Variants in MARS1 observed in about 807,000 individuals in gnomAD.
MARS1 encodes the protein methionyl-tRNA synthetase 1.
MARS1 carries 80 observed loss-of-function variants against 119.5 expected under a neutral mutation model. The observed-to-expected ratio is 0.67, with a 90% CI of 0.56 to 0.81. The LOEUF (loss-of-function observed/expected upper bound fraction) is 0.81, where lower values mean the gene tolerates loss of function less well. Among genes scored for constraint, MARS1 ranks in the 30% least tolerant of loss-of-function variants. MARS1 has a pLI of 0.00. For synonymous variants in MARS1, 418 were observed against 433.4 expected, an observed-to-expected ratio of 0.96 and a Z score of 0.44; for missense variants, 945 against 1,116.5, an observed-to-expected ratio of 0.85 and a Z score of 2.19.
chr12:57,516,234 T>TAAC lies in MARS1; in HGVS notation c.2464-11_2464-10insAAC. 1 of 1,613,148 alleles carries TAAC rather than the reference T, an allele frequency of 6.2e-7. No homozygotes were observed. Among genetic ancestry groups the TAAC allele is most frequent in the Non-Finnish European group, 8.5e-7 (1 of 1,179,076 alleles). On this transcript the variant is annotated splice_polypyrimidine_tract_variant and intron_variant, in intron 19 of 20. Coordinates refer to ENST00000262027, the MANE Select transcript of MARS1 (RefSeq NM_004990.4). ...TTTATGGTTGCTGGTGATAACTTTGTTGTTCTCCAGGCAAAAACGTCCCCG... is the reference window on the plus strand; with the variant it reads ...TTTATGGTTGCTGGTGATAACTTTGTAACTGTTCTCCAGGCAAAAACGTCCCCG...
intron 10 of MARS1, among the ~76,000 whole-genome samples, chr12:57,501,864 G>A (rs1411186292): frequency 3.3e-5 from 5 of 151,162 alleles, no homozygotes; most frequent in African/African-American, 4.9e-5. Flanking sequence ...CCGTGGTGGC[G>A]CACACCTGTA....
chr12:57,494,254 C>G (rs1565641801), intron 7 of MARS1, among the ~76,000 whole-genome samples: 1 of 151,000 alleles, frequency 6.6e-6, no homozygotes, highest in Non-Finnish European at 1.5e-5. Flanking sequence ...CTACGCCCAG[C>G]CTTGTTTTGA....
In MARS1 at chr12:57,499,773, C is replaced by T. The variant is rs1565644704; in HGVS notation, c.1092-548C>T. ...AATTAGCTGGACCTGGTGGTGGGCACCTATAATCCCAGCTACTTGGGAGGC... is the reference window on the plus strand; with the variant it reads ...AATTAGCTGGACCTGGTGGTGGGCATCTATAATCCCAGCTACTTGGGAGGC... On this transcript the variant is annotated intron_variant, in intron 9 of 20. Coordinates refer to ENST00000262027, the MANE Select transcript of MARS1 (RefSeq NM_004990.4). Among the ~76,000 whole-genome samples the T allele has an allele frequency of 2.0e-5, 3 of 151,990 alleles. No homozygotes were observed. The South Asian group carries it at 6.2e-4, about 32-fold the overall frequency.
intron 11 of MARS1, 28 bp from the exon 12 acceptor site, chr12:57,511,668 TAA>T: frequency 6.2e-7 from 1 of 1,613,134 alleles, no homozygotes; most frequent in South Asian, 1.1e-5. Flanking sequence ...GAGACTTTCC[TAA>T]ATCAGCCCTC....
At position 57,516,482 on chromosome 12, in the gene MARS1, G is replaced by C. The variant is rs1877840838; in HGVS notation, c.2604G>C (p.Glu868Asp). The part of the protein sequence containing the change: ...ELKAQKADKN[E>D]VAAEVAKLLD... ...AAGCACAAAAGGCAGACAAGAACGA[G>C]GTTGCTGCGGAGGTGGCGAAACTCT... The change falls in exon 21 of 21, where the codon GAG becomes GAC. Residue 868 changes from glutamate (E) to aspartate (D), a missense_variant. Transcript: ENST00000262027. 1.2e-6 allele frequency: 2 copies of C among 1,613,914 alleles called. No individual in the cohort carries two copies. Among genetic ancestry groups the C allele is most frequent in the African/African-American group, 2.7e-5 (2 of 75,022 alleles).
At position 57,498,362 on chromosome 12, in the gene MARS1, C is replaced by A. The variant is rs896134884; in HGVS notation, c.888-58C>A. On this transcript the variant is annotated intron_variant, in intron 8 of 20. Coordinates refer to ENST00000262027, the MANE Select transcript of MARS1 (RefSeq NM_004990.4). The stretch of plus-strand genomic sequence containing the variant: ...CTTCAAGGGTGGGGCTGGGGAGATC[C>A]CAAGGACAAGGAAGCGCTGAAGCGG... The A allele has an allele frequency of 1.4e-5, 22 of 1,598,092 alleles. No individual in the cohort carries two copies. The African/African-American group carries it at 2.8e-4, about 20-fold the overall frequency.
At chr12:57,507,419 T>A (rs1308847832) in intron 11 of MARS1, among the ~76,000 whole-genome samples, 3 of 74,690 alleles carry the variant, frequency 4.0e-5, no homozygotes, top group East Asian at 3.8e-4. Flanking sequence ...CACTTCCCAG[T>A]AGGGGTGGCC....
chr12:57,496,707 G>A (rs568510233), intron 7 of MARS1, among the ~76,000 whole-genome samples: 1 of 151,574 alleles, frequency 6.6e-6, no homozygotes, highest in Admixed American at 6.6e-5. Context: ...GAGCCCAGGA[G>A]TTCAAGATTA....
At chr12:57,501,820 T>TA (rs76780434) in intron 10 of MARS1, among the ~76,000 whole-genome samples, 678 of 121,078 alleles carry the variant, frequency 5.6e-3, no homozygotes, top group Middle Eastern at 0.01. Context: ...AGACTCTGTC[T>TA]AAAAAAAAAA....
chr12:57,494,403 C>T (rs1876472654), intron 7 of MARS1, among the ~76,000 whole-genome samples: 1 of 146,664 alleles, frequency 6.8e-6, no homozygotes, highest in African/African-American at 2.5e-5. Flanking sequence ...TCTTGGCTCA[C>T]TGCAACCTCT....
In MARS1 at chr12:57,516,284, AC is replaced by A. The variant is rs778621936; in HGVS notation, c.2504del (p.Thr835LysfsTer11). On this transcript the variant is annotated frameshift_variant, in exon 20 of 21. Coordinates refer to ENST00000262027, the MANE Select transcript of MARS1 (RefSeq NM_004990.4). LOFTEE classifies it high-confidence loss of function. ...GAAGCCAGCAGTTGTAGAGACTGTT[AC>A]AACAGCCAAGCCACAGCAGATACAA... ...SPKPAVVETV[T>X]TAKPQQIQAL... 2 of 1,614,254 alleles carry A rather than the reference AC, an allele frequency of 1.2e-6. No homozygotes were observed. Among genetic ancestry groups the A allele is most frequent in the Admixed American group, 1.7e-5 (1 of 60,018 alleles).
intron 7 of MARS1, among the ~76,000 whole-genome samples, chr12:57,495,749 A>G (rs1176081212): frequency 2.6e-5 from 4 of 152,042 alleles, no homozygotes; most frequent in Non-Finnish European, 4.4e-5. Flanking sequence ...CTGCAATCCC[A>G]GCACCTCAGG....
At position 57,492,712 on chromosome 12, in the gene MARS1, C is replaced by CAT. The variant is rs1253478947; in HGVS notation, c.770+2069_770+2070insTA. ...ACACACACACACACACACACACACA[C>CAT]ACAGACGTAAACAAATTTGAGACTT... On this transcript the variant is annotated intron_variant, in intron 7 of 20. Coordinates refer to ENST00000262027, the MANE Select transcript of MARS1 (RefSeq NM_004990.4). Among the ~76,000 whole-genome samples the CAT allele has an allele frequency of 4.2e-5, 6 of 142,114 alleles. No homozygotes were observed. In the East Asian group the frequency reaches 1.2e-3, roughly 29 times the overall value. The allele number at this position is 142,114 out of a possible 152,430, so 93.2% of individuals were successfully genotyped here. A position where few individuals can be genotyped will look rare whatever the true frequency, so the allele number is the denominator to read the frequency against.
chr12:57,512,752 GT>G lies in MARS1; in HGVS notation c.1756del (p.Tyr586ThrfsTer2). On this transcript the variant is annotated frameshift_variant and splice_region_variant, in exon 15 of 21. Transcript: ENST00000262027. LOFTEE classifies it high-confidence loss of function. ...TLVSHLIATE[Y>X]LNYEDGKFSK... ...TCTCACTCATTCTCCTCTGTCCAGAGTACCTGAACTATGAGGATGGGAAATT... is the reference window on the plus strand; with the variant it reads ...TCTCACTCATTCTCCTCTGTCCAGAGACCTGAACTATGAGGATGGGAAATT... 6 of 1,613,346 alleles carry G rather than the reference GT, an allele frequency of 3.7e-6. No individual in the cohort carries two copies. The highest frequency in any genetic ancestry group is 5.1e-6 in the Non-Finnish European group (6 of 1,179,298).
chr12:57,514,928 C>T, intron 16 of MARS1, 26 bp from the exon 17 acceptor site: 2 of 1,613,878 alleles, frequency 1.2e-6, no homozygotes, highest in Non-Finnish European at 1.7e-6. Flanking sequence ...GGACATTACA[C>T]CTTGGCCTGC....
chr12:57,496,007 G>C (rs1876609048), intron 7 of MARS1, among the ~76,000 whole-genome samples: 1 of 152,096 alleles, frequency 6.6e-6, no homozygotes. Context: ...GGAGACCGTG[G>C]AAAGTCGGAG....
chr12:57,510,710 C>T (rs1013297154), intron 11 of MARS1, among the ~76,000 whole-genome samples: 4 of 151,192 alleles, frequency 2.6e-5, no homozygotes, highest in African/African-American at 9.7e-5. Context: ...GCAGGAGGAT[C>T]GCTGGAAGCC....
Position 57,489,626 on chromosome 12 carries a change from T to G in MARS1, c.414+68T>G. 4 of 1,596,016 alleles carry G rather than the reference T, an allele frequency of 2.5e-6. No individual in the cohort carries two copies. In the South Asian group the frequency reaches 3.3e-5, roughly 13 times the overall value. On this transcript the variant is annotated intron_variant, in intron 4 of 20. Transcript: ENST00000262027. ...GTAAGGATTAAGAGGGAAGACTGTA[T>G]TCAGAGTGTTCGAACCCAACACTGC...
Position 57,512,299 on chromosome 12 carries a change from T to G in MARS1, c.1699T>G (p.Ser567Ala). 1.2e-6 allele frequency: 2 copies of G among 1,614,162 alleles called. No homozygotes were observed. Among genetic ancestry groups the G allele is most frequent in the Non-Finnish European group, 1.7e-6 (2 of 1,180,036 alleles). Residue 567 changes from serine (S) to alanine (A), a missense_variant, in exon 14 of 21, where the codon TCA becomes GCA. Transcript: ENST00000262027. ...TTTCCATAGCTTAGTCTTTCCTTGC[T>G]CAGCCCTAGGAGCTGAGGATAACTA... ...VPFHSLVFPC[S>A]ALGAEDNYTL...
Sources: allele counts gnomAD v4.1 joint callset (sites outside exome capture counted in the v4.1 genomes callset), GRCh38; gene constraint gnomAD v4.1.1; transcripts MANE v1.5; gene names NCBI Gene and HGNC (gene_info 2026-07-23, HGNC 2026-07-21).